The following LONP2 variants were observed in gnomAD, a reference collection of about 807,000 sequenced individuals.
LONP2 encodes the protein lon protease homolog 2, peroxisomal.
LONP2 carries 60 observed loss-of-function variants against 85.6 expected under a neutral mutation model. The observed-to-expected ratio is 0.70, with a 90% confidence interval of 0.57 to 0.87. The LOEUF is 0.87. LONP2 is among the 40% of genes least tolerant of loss of function. The probability of loss-of-function intolerance (pLI) is 0.00; values close to 1 mark genes in which losing one functional copy is unlikely to be tolerated. For synonymous variants in LONP2, 395 were observed against 389.7 expected (o/e 1.01, Z -0.16); for missense variants, 860 against 1,063.5 (o/e 0.81, Z 2.66).
At chr16:48,299,000 C>G (rs1381519183) in intron 9 of LONP2, among the ~76,000 whole-genome samples, 1 of 151,692 alleles carries the variant, frequency 6.6e-6, no homozygotes, top group Non-Finnish European at 1.5e-5. Flanking sequence ...AAGCAATTCT[C>G]GTGCCTCAGC....
chr16:48,245,459 C>T (rs1971314260), intron 1 of LONP2, among the ~76,000 whole-genome samples: 2 of 152,236 alleles, frequency 1.3e-5, no homozygotes, highest in East Asian at 3.8e-4. Flanking sequence ...GTATATTCCA[C>T]TTTGCACCAT....
chr16:48,301,817 A>G (rs1323987946), intron 10 of LONP2, among the ~76,000 whole-genome samples: 1 of 152,200 alleles, frequency 6.6e-6, no homozygotes, highest in East Asian at 1.9e-4. Flanking sequence ...CCCTTCTGAC[A>G]TTAAGATAAA....
At chr16:48,278,281 T>C (rs571149143) in intron 8 of LONP2, among the ~76,000 whole-genome samples, 1 of 152,324 alleles carries the variant, frequency 6.6e-6, no homozygotes, top group East Asian at 1.9e-4. Context: ...ATCCATTTTA[T>C]CTTCTTAAGC....
At chr16:48,315,796 C>G (rs1047085233) in intron 11 of LONP2, among the ~76,000 whole-genome samples, 2 of 151,734 alleles carry the variant, frequency 1.3e-5, no homozygotes, top group Non-Finnish European at 2.9e-5. Flanking sequence ...GAAGAGAGCC[C>G]TTCACTGTCT....
At chr16:48,259,821 A>ATT (rs1451969318) in intron 4 of LONP2, among the ~76,000 whole-genome samples, 1 of 152,182 alleles carries the variant, frequency 6.6e-6, no homozygotes, top group East Asian at 1.9e-4. Flanking sequence ...GGACTCAATT[A>ATT]CTCATTTTGT....
intron 8 of LONP2, among the ~76,000 whole-genome samples, chr16:48,288,150 CTTTTTTT>C (rs1170612024): frequency 8.2e-6 from 1 of 121,536 alleles, no homozygotes; most frequent in Non-Finnish European, 1.7e-5. Flanking sequence ...TAGTCTTCTT[CTTTTTTT>C]TTTTTTTTTT....
intron 11 of LONP2, among the ~76,000 whole-genome samples, chr16:48,310,598 C>T (rs1033662260): frequency 9.2e-5 from 14 of 152,266 alleles, no homozygotes; most frequent in African/African-American, 2.2e-4. Context: ...GTGATCCTCC[C>T]GCCTTGGCCT....
intron 14 of LONP2, among the ~76,000 whole-genome samples, chr16:48,350,469 A>G (rs1960108964): frequency 6.6e-6 from 1 of 152,220 alleles, no homozygotes. Context: ...GTATCAATCA[A>G]GTGTGAAAGT....
At chr16:48,344,554 G>C (rs535028399) in intron 12 of LONP2, 3 of 152,262 alleles carry the variant, frequency 2.0e-5, no homozygotes, top group African/African-American at 7.2e-5. Context: ...TCTACCCAAA[G>C]TACCAAGACT....
intron 7 of LONP2, among the ~76,000 whole-genome samples, chr16:48,276,965 G>A (rs914093744): frequency 1.3e-5 from 2 of 152,240 alleles, no homozygotes; most frequent in African/African-American, 2.4e-5. Context: ...GCGTTGGGTA[G>A]GGGGATGCTC....
intron 7 of LONP2, among the ~76,000 whole-genome samples, chr16:48,276,634 C>T (rs550338752): frequency 6.6e-6 from 1 of 152,248 alleles, no homozygotes; most frequent in South Asian, 2.1e-4. Context: ...ATAAAGCAGG[C>T]TCTCACATTT....
chr16:48,339,822 G>A (rs889829102), intron 12 of LONP2, among the ~76,000 whole-genome samples: 2 of 152,160 alleles, frequency 1.3e-5, no homozygotes, highest in South Asian at 2.1e-4. Context: ...CACAAGAGAG[G>A]AGTGAAGTTA....
intron 6 of LONP2, among the ~76,000 whole-genome samples, chr16:48,267,207 G>T (rs1268015685): frequency 6.6e-6 from 1 of 152,120 alleles, no homozygotes; most frequent in Non-Finnish European, 1.5e-5. Context: ...ATAAATTATG[G>T]TATAAAAGGA....
rs1400604466 is a variant in LONP2 at position 48,244,406 on chromosome 16, C to T, written c.18C>T (p.Pro6=). 2 of 1,570,196 alleles carry T rather than the reference C, an allele frequency of 1.3e-6. No individual in the cohort carries two copies. Among genetic ancestry groups the T allele is most frequent in the Non-Finnish European group, 8.6e-7 (1 of 1,164,056 alleles). The part of the protein sequence containing the change: MSSVS[P]IQIPSRLPLL... ...CTGCCAGCATGTCATCAGTGAGCCC[C>T]ATCCAGATCCCCAGTCGCCTCCCGC... Residue 6 remains proline (P), a synonymous_variant, in exon 1 of 15, where the codon CCC becomes CCT. Coordinates refer to ENST00000285737, the MANE Select transcript of LONP2 (RefSeq NM_031490.5).
chr16:48,325,003 A>G (rs1973340130), intron 11 of LONP2, among the ~76,000 whole-genome samples: 1 of 152,156 alleles, frequency 6.6e-6, no homozygotes, highest in Non-Finnish European at 1.5e-5. Context: ...TCACTGTGCA[A>G]TAGAACAGTG....
intron 11 of LONP2, among the ~76,000 whole-genome samples, chr16:48,324,943 A>G (rs1404626412): frequency 6.6e-6 from 1 of 152,188 alleles, no homozygotes; most frequent in Non-Finnish European, 1.5e-5. Context: ...AAGTATATTT[A>G]AAATTCTCTA....
rs980871312 is a variant in LONP2, at chr16:48,347,698, G to C, written c.2130G>C (p.Lys710Asn). Reference protein sequence around the residue: ...AISWLRSNAKKYQLTNAFGSF... With the variant: ...AISWLRSNAKNYQLTNAFGSF... ...GCTGGCTCCGCAGCAACGCAAAGAAGTACCAGCTGACCAATGGTAGGAGCC... is the reference window on the plus strand; with the variant it reads ...GCTGGCTCCGCAGCAACGCAAAGAACTACCAGCTGACCAATGGTAGGAGCC... Residue 710 changes from lysine to asparagine, a missense_variant, in exon 13 of 15, where the codon AAG becomes AAC. Physicochemically the swap from Lys to Asn is moderately conservative, Grantham distance 94 (BLOSUM62 0). Transcript: ENST00000285737. The C allele has an allele frequency of 1.2e-6, 2 of 1,613,430 alleles. No individual in the cohort carries two copies. Among genetic ancestry groups the C allele is most frequent in the Admixed American group, 1.7e-5 (1 of 59,978 alleles).
chr16:48,270,368 C>A (rs1039739647), intron 7 of LONP2, 94 bp downstream of exon 7: 6 of 1,321,482 alleles, frequency 4.5e-6, no homozygotes, highest in Non-Finnish European at 6.3e-6. Context: ...CATCTATTTT[C>A]CTTAAAGGGC....
intron 7 of LONP2, among the ~76,000 whole-genome samples, chr16:48,274,922 C>G (rs1215639467): frequency 1.3e-5 from 2 of 152,070 alleles, no homozygotes; most frequent in East Asian, 3.8e-4. Context: ...CCTGCGGGAG[C>G]CGAGCCCTTT....
Sources: allele counts gnomAD v4.1 joint callset (sites outside exome capture counted in the v4.1 genomes callset), GRCh38; gene constraint gnomAD v4.1.1; transcripts MANE v1.5; gene names NCBI Gene and HGNC (gene_info 2026-07-23, HGNC 2026-07-21).